Variants in STK38 observed in about 807,000 individuals in gnomAD.
The protein encoded by STK38 is serine/threonine-protein kinase 38.
Under a neutral mutation model 59.0 loss-of-function variants are expected in STK38, and 26 were observed. That is an observed-to-expected ratio of 0.44 (90% CI 0.32 to 0.61). The LOEUF (loss-of-function observed/expected upper bound fraction) is 0.61, where lower values mean the gene tolerates loss of function less well. STK38 is among the 20% of genes least tolerant of loss of function. The pLI, the probability that STK38 is intolerant of heterozygous loss-of-function variation, is 0.04. For missense variants in STK38, 433 were observed against 566.0 expected (o/e 0.76, Z 2.38); for synonymous variants, 175 against 176.6 (o/e 0.99, Z 0.07).
chr6:36,532,636 G>A (rs148712816), intron 2 of STK38, among the ~76,000 whole-genome samples: 19 of 151,958 alleles, frequency 1.3e-4, no homozygotes, highest in African/African-American at 4.6e-4. Context: ...ATTAGGCCAA[G>A]CACAGTGGCT....
intron 9 of STK38, 48 bp downstream of exon 9, chr6:36,506,535 T>C: frequency 6.4e-7 from 1 of 1,569,638 alleles, no homozygotes; most frequent in East Asian, 2.2e-5. Context: ...CTTTTGAACT[T>C]ATTCATACTT....
chr6:36,537,922 T>C (rs1209715826), intron 2 of STK38, among the ~76,000 whole-genome samples: 1 of 149,056 alleles, frequency 6.7e-6, no homozygotes, highest in African/African-American at 2.5e-5. Flanking sequence ...ATATGCTAAA[T>C]GAAAGATGCC....
At chr6:36,531,556 G>A (rs1777667197) in intron 2 of STK38, among the ~76,000 whole-genome samples, 1 of 152,146 alleles carries the variant, frequency 6.6e-6, no homozygotes, top group Admixed American at 6.6e-5. Context: ...CCTAGAGAAG[G>A]TCACAACCAA....
chr6:36,527,722 C>A (rs568725606), intron 2 of STK38, among the ~76,000 whole-genome samples: 106 of 152,216 alleles, frequency 7.0e-4, no homozygotes, highest in Non-Finnish European at 1.2e-3. Context: ...AATGAAAGCA[C>A]ATGGGCTAGA....
At chr6:36,502,484 A>G (rs1372598110) in intron 9 of STK38, among the ~76,000 whole-genome samples, 1 of 152,108 alleles carries the variant, frequency 6.6e-6, no homozygotes, top group Non-Finnish European at 1.5e-5. Context: ...TGAATTCAGG[A>G]CATTAATCTG....
chr6:36,524,422 C>T lies in STK38; in HGVS notation c.225G>A (p.Glu75=), dbSNP rs1244883811. 3 of 1,612,860 alleles carry T rather than the reference C, an allele frequency of 1.9e-6. No individual in the cohort carries two copies. Among genetic ancestry groups the T allele is most frequent in the East Asian group, 4.5e-5 (2 of 44,808 alleles). ...RRSAHARKET[E]FLRLKRTRLG... is the part of the protein sequence containing the mutation. Reference sequence around the variant, plus strand: ...GTCTTGTTCTCTTCAAACGAAGAAACTCTGTTTCCTTCCGAGCATGTGCTG... The same window carrying T: ...GTCTTGTTCTCTTCAAACGAAGAAATTCTGTTTCCTTCCGAGCATGTGCTG... Residue 75 remains glutamate, a synonymous_variant, in exon 4 of 14, where the codon GAG becomes GAA. Coordinates refer to ENST00000229812, the MANE Select transcript of STK38 (RefSeq NM_007271.4).
rs1375905353 is a variant in STK38, at chr6:36,524,404, T to G, written c.243A>C (p.Arg81Ser). 6.2e-7 allele frequency: 1 copy of G among 1,613,592 alleles called. No homozygotes were observed. The highest frequency in any genetic ancestry group is 8.5e-7 in the Non-Finnish European group (1 of 1,179,886). Residue 81 changes from arginine to serine, a missense_variant, in exon 4 of 14, where the codon AGA (arginine) becomes AGC (serine). Physicochemically the swap from Arg to Ser is moderately radical, Grantham distance 110 (BLOSUM62 -1). Transcript: ENST00000229812. ...CAAAATCTTCCAATCCAAGTCTTGT[T>G]CTCTTCAAACGAAGAAACTCTGTTT... is the stretch of plus-strand genomic sequence containing the variant. The part of the protein sequence containing the change: ...RKETEFLRLK[R>S]TRLGLEDFES...
At chr6:36,516,938 T>TA (rs755251061) in intron 6 of STK38, among the ~76,000 whole-genome samples, 16 of 152,352 alleles carry the variant, frequency 1.1e-4, no homozygotes, top group African/African-American at 3.4e-4. Flanking sequence ...ATCTAAATGT[T>TA]AAAAAAGTTT....
Position 36,517,856 on chromosome 6 carries a change from T to C in STK38, c.391-16A>G, listed in dbSNP as rs757231971. Reference sequence around the variant, plus strand: ...TGTGGCCAACCTGGAGGTATATGCATTTGATTAATGACAAAGCTTGCTCTG... The same window carrying C: ...TGTGGCCAACCTGGAGGTATATGCACTTGATTAATGACAAAGCTTGCTCTG... On this transcript the variant is annotated splice_polypyrimidine_tract_variant and intron_variant, in intron 5 of 13. Coordinates refer to ENST00000229812, the MANE Select transcript of STK38 (RefSeq NM_007271.4). 6 of 1,611,484 alleles carry C rather than the reference T, an allele frequency of 3.7e-6. No homozygotes were observed. Among genetic ancestry groups the C allele is most frequent in the Non-Finnish European group, 5.1e-6 (6 of 1,178,946 alleles).
At chr6:36,536,110 A>G (rs1777784328) in intron 2 of STK38, among the ~76,000 whole-genome samples, 1 of 152,224 alleles carries the variant, frequency 6.6e-6, no homozygotes, top group Non-Finnish European at 1.5e-5. Flanking sequence ...TCAATGGGAC[A>G]GAAAAAGAAA....
At chr6:36,526,220 G>GTTTT (rs60509165) in intron 2 of STK38, among the ~76,000 whole-genome samples, 2 of 130,492 alleles carry the variant, frequency 1.5e-5, no homozygotes, top group African/African-American at 2.7e-5. Context: ...GGTTTTGGGT[G>GTTTT]TTTTTTTTTT....
At chr6:36,520,012 C>T (rs142207033) in intron 5 of STK38, among the ~76,000 whole-genome samples, 111 of 152,314 alleles carry the variant, frequency 7.3e-4, no homozygotes, top group Middle Eastern at 6.8e-3. Context: ...CTCTGTACCT[C>T]TACTTTGTCA....
rs1777492704 is a variant in STK38 at position 36,525,641 on chromosome 6, G to A, written c.133C>T (p.Gln45Ter). 6.2e-7 allele frequency: 1 copy of A among 1,612,558 alleles called. No individual in the cohort carries two copies. Among genetic ancestry groups the A allele is most frequent in the Non-Finnish European group, 8.5e-7 (1 of 1,179,086 alleles). Reference sequence around the variant, plus strand: ...TCCATCACCTTTTCTAACTTCTTTTGTCTAAAACAAACAAAAACAAAAGAC... The same window carrying A: ...TCCATCACCTTTTCTAACTTCTTTTATCTAAAACAAACAAAAACAAAAGAC... ...IAQHEEREMRQKKLEKVMEEE... is the reference protein window; with the variant it reads ...IAQHEEREMR The change falls in exon 3 of 14, where the codon CAA (glutamine) becomes TAA (stop). Residue 45 changes from glutamine to a stop codon, truncating the protein, a stop_gained and splice_region_variant. Transcript: ENST00000229812. LOFTEE classifies it high-confidence loss of function.
intron 11 of STK38, 87 bp downstream of exon 11, chr6:36,498,276 A>AT (rs1776754030): frequency 6.6e-7 from 1 of 1,514,212 alleles, no homozygotes; most frequent in Non-Finnish European, 8.9e-7. Flanking sequence ...CAGAAAGCAG[A>AT]TTCAGGAGAT....
In STK38 at chr6:36,509,964, G is replaced by A. The variant is rs775443734; in HGVS notation, c.670-2362C>T. ...ATGGGTTTCAAAAGAGAGAAAGTAC[G>A]TGCTGATTGGTCCACAGGTGGCCAC... On this transcript the variant is annotated intron_variant, in intron 7 of 13. Coordinates refer to ENST00000229812, the MANE Select transcript of STK38 (RefSeq NM_007271.4). 9.2e-5 allele frequency among the ~76,000 whole-genome samples: 14 copies of A among 152,158 alleles called. 1 individual carries two copies. The highest frequency in any genetic ancestry group is 2.1e-4 in the South Asian group (1 of 4,830).
At chr6:36,504,922 AGAAAGAAAGAAAAGAAAG>A (rs1281409734) in intron 9 of STK38, among the ~76,000 whole-genome samples, 1 of 135,852 alleles carries the variant, frequency 7.4e-6, no homozygotes, top group African/African-American at 2.8e-5. Flanking sequence ...AAAAAAAAAA[AGAAAGAAAGAAAAGAAAG>A]GAAAGAAAGA....
chr6:36,526,483 G>A (rs1777516344), intron 2 of STK38, among the ~76,000 whole-genome samples: 1 of 152,192 alleles, frequency 6.6e-6, no homozygotes, highest in South Asian at 2.1e-4. Flanking sequence ...TATCAGGCTG[G>A]GTGTGGTAGC....
chr6:36,542,422 T>TAAAA (rs1208774220), intron 1 of STK38, among the ~76,000 whole-genome samples: 2 of 152,146 alleles, frequency 1.3e-5, no homozygotes, highest in African/African-American at 2.4e-5. Context: ...ATTTCCTCAT[T>TAAAA]TTACACAAGA....
In STK38 at chr6:36,507,499, C is replaced by G; in HGVS notation, c.772+1G>C. ...AGGCTAACGTAATTGTTACCACTTA[C>G]TGAAATCACTGGGGAGGCTGTGGTT... is the stretch of plus-strand genomic sequence containing the variant. On this transcript the variant is annotated splice_donor_variant, in intron 8 of 13. Transcript: ENST00000229812. LOFTEE classifies it high-confidence loss of function. The G allele has an allele frequency of 6.2e-7, 1 of 1,613,600 alleles. No homozygotes were observed. Among genetic ancestry groups the G allele is most frequent in the Non-Finnish European group, 8.5e-7 (1 of 1,179,634 alleles).
Sources: allele counts gnomAD v4.1 joint callset (sites outside exome capture counted in the v4.1 genomes callset), GRCh38; gene constraint gnomAD v4.1.1; transcripts MANE v1.5; gene names NCBI Gene and HGNC (gene_info 2026-07-23, HGNC 2026-07-21).